NUDT7: variants seen among roughly 807,000 people sequenced by gnomAD.
NUDT7 encodes the protein peroxisomal coenzyme A diphosphatase NUDT7.
In NUDT7, 19 loss-of-function variants were observed where a neutral mutation model predicts 13.1. The ratio of observed to expected loss-of-function variants is 1.45; its 90% CI spans 1.01 to 2.13. NUDT7 has a LOEUF of 2.13. Ranked by LOEUF, NUDT7 falls within the 30% of genes most tolerant of loss-of-function variation. The probability of loss-of-function intolerance (pLI) is 0.00; values close to 1 mark genes in which losing one functional copy is unlikely to be tolerated. For synonymous variants in NUDT7, 132 were observed against 109.7 expected (o/e 1.20, Z -1.27); for missense variants, 360 against 291.7 (o/e 1.23, Z -1.71).
At chr16:77,740,118 A>T (rs948623288) in intron 3 of NUDT7, among the ~76,000 whole-genome samples, 1 of 152,146 alleles carries the variant, frequency 6.6e-6, no homozygotes, top group African/African-American at 2.4e-5. Context: ...ACGTGCTGGT[A>T]GAATGTTGCC....
intron 2 of NUDT7, among the ~76,000 whole-genome samples, chr16:77,734,850 AT>A (rs775251311): frequency 1.3e-4 from 20 of 152,138 alleles, no homozygotes; most frequent in Non-Finnish European, 2.5e-4. Flanking sequence ...GGAGAGGGGA[AT>A]GAGAATCAAC....
At chr16:77,735,777 T>C in intron 2 of NUDT7, 51 bp from the exon 3 acceptor site, 1 of 1,536,712 alleles carries the variant, frequency 6.5e-7, no homozygotes, top group Non-Finnish European at 8.9e-7. Flanking sequence ...AATGCATAAA[T>C]AGTTCCAAAA....
rs114701727 is a variant in NUDT7 at position 77,730,659 on chromosome 16, T to C, written c.189+5075T>C. 9.0e-3 allele frequency among the ~76,000 whole-genome samples: 1,375 copies of C among 152,294 alleles called. 20 individuals are homozygous for C. The highest frequency in any genetic ancestry group is 0.03 in the African/African-American group (1,255 of 41,552). On this transcript the variant is annotated intron_variant, in intron 2 of 3. Coordinates refer to ENST00000268533, the MANE Select transcript of NUDT7 (RefSeq NM_001105663.3). ...GGATTGCTGGATCATATGGCAATTC[T>C]GTTTTTAATTTTTTGAGAAACCTCC...
chr16:77,722,722 G>T (rs941020342), intron 1 of NUDT7, 105 bp downstream of exon 1: 4 of 1,077,936 alleles, frequency 3.7e-6, no homozygotes, highest in Non-Finnish European at 5.5e-6. Flanking sequence ...TGCAGCTCCC[G>T]CCAGTCCACC....
At chr16:77,735,800 A>G (rs1394768335) in intron 2 of NUDT7, 28 bp from the exon 3 acceptor site, 1 of 1,588,484 alleles carries the variant, frequency 6.3e-7, no homozygotes, top group Non-Finnish European at 8.6e-7. Context: ...AGAATCCCAC[A>G]TTGTAGCGCT....
At position 77,732,960 on chromosome 16, in the gene NUDT7, A is replaced by G. The variant is rs2014365298; in HGVS notation, c.190-2868A>G. 2.0e-5 allele frequency among the ~76,000 whole-genome samples: 3 copies of G among 152,302 alleles called. No homozygotes were observed. In the South Asian group the frequency reaches 6.2e-4, roughly 32 times the overall value. On this transcript the variant is annotated intron_variant, in intron 2 of 3. Coordinates refer to ENST00000268533, the MANE Select transcript of NUDT7 (RefSeq NM_001105663.3). Reference sequence around the variant, plus strand: ...GTATTTCTTACGCATTTGGTAAGACATATTTGCAGTCGCTGGTGAGTGTTC... The same window carrying G: ...GTATTTCTTACGCATTTGGTAAGACGTATTTGCAGTCGCTGGTGAGTGTTC...
At chr16:77,728,779 A>G (rs896391827) in intron 2 of NUDT7, among the ~76,000 whole-genome samples, 3 of 152,182 alleles carry the variant, frequency 2.0e-5, no homozygotes, top group African/African-American at 7.2e-5. Flanking sequence ...GGTGCCCAGC[A>G]AAGAGCTGGC....
chr16:77,739,421 A>G (rs1043079651), intron 3 of NUDT7, among the ~76,000 whole-genome samples: 1 of 152,178 alleles, frequency 6.6e-6, no homozygotes, highest in Non-Finnish European at 1.5e-5. Flanking sequence ...ACTTCCTGAC[A>G]TTGCCGTGGC....
chr16:77,733,001 T>C (rs994933273), intron 2 of NUDT7, among the ~76,000 whole-genome samples: 1 of 152,196 alleles, frequency 6.6e-6, no homozygotes, highest in Admixed American at 6.5e-5. Context: ...AGTAGAAATA[T>C]GTCCATCAGC....
In NUDT7 at chr16:77,735,827, G is replaced by T; in HGVS notation, c.190-1G>T. 1 of 1,612,938 alleles carries T rather than the reference G, an allele frequency of 6.2e-7. No individual in the cohort carries two copies. ...TGTAGCGCTGTTCTTTCTATATCCA[G>T]CTAAGAAGGGCCCCTGGAGAAGTTT... On this transcript the variant is annotated splice_acceptor_variant, in intron 2 of 3. Transcript: ENST00000268533. LOFTEE classifies it high-confidence loss of function.
At position 77,725,514 on chromosome 16, in the gene NUDT7, A is replaced by T; in HGVS notation, c.119A>T (p.Tyr40Phe). The T allele has an allele frequency of 6.2e-7, 1 of 1,613,958 alleles. No individual in the cohort carries two copies. The highest frequency in any genetic ancestry group is 8.5e-7 in the Non-Finnish European group (1 of 1,179,942). The change falls in exon 2 of 4, where the codon TAC becomes TTC. Residue 40 changes from tyrosine to phenylalanine, a missense_variant. Transcript: ENST00000268533. ...GKYSHLPYNK[Y>F]SVLLPLVAKE... Reference sequence around the variant, plus strand: ...TATTCTCACTTGCCATATAACAAATACTCCGTCCTTTTGCCATTGGTGGCT... The same window carrying T: ...TATTCTCACTTGCCATATAACAAATTCTCCGTCCTTTTGCCATTGGTGGCT...
At chr16:77,735,490 T>G (rs191498435) in intron 2 of NUDT7, 1 of 627,616 alleles carries the variant, frequency 1.6e-6, no homozygotes, top group Non-Finnish European at 2.8e-6. Context: ...TCATGCTCCC[T>G]GTACGGCCTG....
In NUDT7 at chr16:77,728,014, G is replaced by T. The variant is rs558088441; in HGVS notation, c.189+2430G>T. Among the ~76,000 whole-genome samples the T allele has an allele frequency of 1.4e-4, 22 of 152,142 alleles. No individual in the cohort carries two copies. The South Asian group carries it at 4.2e-3, about 29-fold the overall frequency. ...CCACTTTTGCCTGTTGATTATTAAG[G>T]TCACTTTTTAAAAACTATTTAAATT... On this transcript the variant is annotated intron_variant, in intron 2 of 3. Transcript: ENST00000268533.
At chr16:77,741,558 G>A (rs1186408594) in intron 3 of NUDT7, 24 bp from the exon 4 acceptor site, 1 of 1,561,114 alleles carries the variant, frequency 6.4e-7, no homozygotes, top group African/African-American at 1.4e-5. Flanking sequence ...TTCTTAATTT[G>A]TCTGTTTTGT....
intron 2 of NUDT7, among the ~76,000 whole-genome samples, chr16:77,729,620 G>C (rs1332595228): frequency 2.0e-5 from 3 of 152,148 alleles, no homozygotes; most frequent in African/African-American, 7.2e-5. Context: ...GAGGTCAGGA[G>C]TTTGAGACCA....
chr16:77,731,023 C>T (rs895216868), intron 2 of NUDT7, among the ~76,000 whole-genome samples: 1 of 151,982 alleles, frequency 6.6e-6, no homozygotes, highest in East Asian at 1.9e-4. Context: ...TCTCCCATTC[C>T]ACAGATTGTC....
chr16:77,727,659 A>G (rs1222935821), intron 2 of NUDT7, among the ~76,000 whole-genome samples: 2 of 152,220 alleles, frequency 1.3e-5, no homozygotes, highest in African/African-American at 4.8e-5. Flanking sequence ...GTTCGAGACC[A>G]GTCTGGCCAA....
intron 2 of NUDT7, among the ~76,000 whole-genome samples, chr16:77,729,641 C>A (rs1427595266): frequency 6.6e-6 from 1 of 152,122 alleles, no homozygotes; most frequent in Non-Finnish European, 1.5e-5. Flanking sequence ...GCCTGGCCAA[C>A]ATGGTGAAAC....
intron 2 of NUDT7, among the ~76,000 whole-genome samples, chr16:77,728,016 C>T (rs1033761475): frequency 4.0e-4 from 61 of 152,166 alleles, no homozygotes; most frequent in Non-Finnish European, 1.3e-4. Context: ...TTATTAAGGT[C>T]ACTTTTTAAA....
Sources: allele counts gnomAD v4.1 joint callset (sites outside exome capture counted in the v4.1 genomes callset), GRCh38; gene constraint gnomAD v4.1.1; transcripts MANE v1.5; gene names NCBI Gene and HGNC (gene_info 2026-07-23, HGNC 2026-07-21).